STEAP4: variants seen among roughly 807,000 people sequenced by gnomAD.
STEAP4 encodes STEAP4 metalloreductase, also known as metalloreductase STEAP4.
A neutral mutation model predicts 43.6 loss-of-function variants in STEAP4; 36 were observed. The observed-to-expected ratio is 0.83, with a 90% CI of 0.63 to 1.09. The LOEUF is 1.09. Ranked by LOEUF, STEAP4 falls within the 50% of genes least tolerant of loss-of-function variation. The probability of loss-of-function intolerance (pLI) is 0.00; values close to 1 mark genes in which losing one functional copy is unlikely to be tolerated. For synonymous variants in STEAP4, 191 were observed against 196.7 expected, an observed-to-expected ratio of 0.97 and a Z score of 0.24; for missense variants, 495 against 546.5, an observed-to-expected ratio of 0.91 and a Z score of 0.94.
At chr7:88,295,986 T>A (rs1852917139) in intron 1 of STEAP4, among the ~76,000 whole-genome samples, 2 of 152,068 alleles carry the variant, frequency 1.3e-5, no homozygotes, top group Non-Finnish European at 2.9e-5. Context: ...AAAATGAGTA[T>A]GTTTTGAGTG....
chr7:88,299,347 G>A (rs1161425447), intron 1 of STEAP4, among the ~76,000 whole-genome samples: 1 of 152,188 alleles, frequency 6.6e-6, no homozygotes, highest in East Asian at 1.9e-4. Flanking sequence ...TAGTTTATCT[G>A]ATTAAAGCCC....
In STEAP4 at chr7:88,285,289, T is replaced by C. The variant is rs1586745913; in HGVS notation, c.-2-1018A>G. ...CAATATGTAACAAGATAGCAAGATA[T>C]GTGCAACATATGTATGAAAAATATT... On this transcript the variant is annotated intron_variant, in intron 1 of 4. Coordinates refer to ENST00000380079, the MANE Select transcript of STEAP4 (RefSeq NM_024636.4). 2.0e-5 allele frequency among the ~76,000 whole-genome samples: 3 copies of C among 152,254 alleles called. No individual in the cohort carries two copies. In the East Asian group the frequency reaches 5.8e-4, roughly 29 times the overall value.
chr7:88,294,567 T>C (rs555561924), intron 1 of STEAP4, among the ~76,000 whole-genome samples: 1 of 152,262 alleles, frequency 6.6e-6, no homozygotes, highest in South Asian at 2.1e-4. Flanking sequence ...TCTTTGTGTG[T>C]AAGCAGCCTG....
chr7:88,283,259 G>A (rs1852661693), intron 2 of STEAP4, 91 bp from the exon 3 acceptor site: 4 of 1,318,702 alleles, frequency 3.0e-6, no homozygotes, highest in Admixed American at 2.8e-5. Context: ...CATGCCAAAT[G>A]ATGACGTAAA....
chr7:88,284,274 G>A lies in STEAP4; in HGVS notation c.-2-3C>T. ...ATCTATACAAGTTTTCTCCATAACT[G>A]AAAAATAATAACACAAATGCCCAAC... On this transcript the variant is annotated splice_polypyrimidine_tract_variant and splice_region_variant and intron_variant, in intron 1 of 4. Transcript: ENST00000380079. 1.3e-6 allele frequency: 2 copies of A among 1,550,052 alleles called. No homozygotes were observed. Among genetic ancestry groups the A allele is most frequent in the Non-Finnish European group, 1.7e-6 (2 of 1,149,206 alleles).
At chr7:88,297,482 T>G (rs970913599) in intron 1 of STEAP4, among the ~76,000 whole-genome samples, 2 of 152,092 alleles carry the variant, frequency 1.3e-5, no homozygotes, top group African/African-American at 4.8e-5. Context: ...GTTGCCAGAT[T>G]TAGCAAATAA....
At chr7:88,291,584 C>A (rs10259410) in intron 1 of STEAP4, among the ~76,000 whole-genome samples, 23,373 of 151,924 alleles carry the variant, frequency 0.15, 1,988 homozygotes, top group Non-Finnish European at 0.2. Context: ...TAGGTACTAT[C>A]TAAAGAATGC....
intron 2 of STEAP4, 38 bp downstream of exon 2, chr7:88,283,776 A>G: frequency 6.4e-7 from 1 of 1,563,890 alleles, no homozygotes; most frequent in South Asian, 1.2e-5. Flanking sequence ...TTAATGATTC[A>G]TGTTTTAAAG....
At chr7:88,296,761 C>A (rs1354600776) in intron 1 of STEAP4, among the ~76,000 whole-genome samples, 1 of 152,014 alleles carries the variant, frequency 6.6e-6, no homozygotes, top group Non-Finnish European at 1.5e-5. Flanking sequence ...ATTCACTGAG[C>A]TATTTCTGTA....
At chr7:88,302,262 A>G (rs1853048386) in intron 1 of STEAP4, among the ~76,000 whole-genome samples, 1 of 152,232 alleles carries the variant, frequency 6.6e-6, no homozygotes, top group Non-Finnish European at 1.5e-5. Context: ...GAATAGCCAC[A>G]CTAAGAGGGA....
chr7:88,295,255 C>T (rs1405758116), intron 1 of STEAP4, among the ~76,000 whole-genome samples: 1 of 152,120 alleles, frequency 6.6e-6, no homozygotes, highest in Non-Finnish European at 1.5e-5. Context: ...CAGATGTTTT[C>T]CTAGCACCCT....
At chr7:88,298,339 C>T (rs1355306629) in intron 1 of STEAP4, 1 of 152,056 alleles carries the variant, frequency 6.6e-6, no homozygotes, top group East Asian at 1.9e-4. Flanking sequence ...TGGAAAGAAA[C>T]TTCAAGCTTG....
At chr7:88,299,514 A>G (rs142356845) in intron 1 of STEAP4, among the ~76,000 whole-genome samples, 10 of 152,332 alleles carry the variant, frequency 6.6e-5, no homozygotes, top group South Asian at 6.2e-4. Flanking sequence ...GATTGCCACT[A>G]TCAGAAAAAC....
In STEAP4 at chr7:88,284,286, C is replaced by A; in HGVS notation, c.-2-15G>T. 1 of 1,502,160 alleles carries A rather than the reference C, an allele frequency of 6.7e-7. No individual in the cohort carries two copies. Among genetic ancestry groups the A allele is most frequent in the Non-Finnish European group, 9.0e-7 (1 of 1,115,692 alleles). 93.1% of individuals were successfully genotyped at this position (1,502,160 alleles called of 1,614,324 possible). ...TTTCTCCATAACTGAAAAATAATAA[C>A]ACAAATGCCCAACAAAATATAAATG... On this transcript the variant is annotated splice_polypyrimidine_tract_variant and intron_variant, in intron 1 of 4. Coordinates refer to ENST00000380079, the MANE Select transcript of STEAP4 (RefSeq NM_024636.4).
In STEAP4 at chr7:88,279,764, C is replaced by T. The variant is rs930408897; in HGVS notation, c.1150-136G>A. Reference sequence around the variant, plus strand: ...AATGTTTAGGACACTTTGCCAAGTACTGAAAAAAAGCACTAACCCTTCTTC... The same window carrying T: ...AATGTTTAGGACACTTTGCCAAGTATTGAAAAAAAGCACTAACCCTTCTTC... On this transcript the variant is annotated intron_variant, in intron 4 of 4. Coordinates refer to ENST00000380079, the MANE Select transcript of STEAP4 (RefSeq NM_024636.4). 4.3e-6 allele frequency: 3 copies of T among 702,780 alleles called. No homozygotes were observed. The Admixed American group carries it at 8.8e-5, about 21-fold the overall frequency. 43.5% of individuals were successfully genotyped at this position (702,780 alleles called of 1,614,324 possible). A position where few individuals can be genotyped will look rare whatever the true frequency, so the allele number is the denominator to read the frequency against.
In STEAP4 at chr7:88,284,185, C is replaced by A. The variant is rs1377772652; in HGVS notation, c.85G>T (p.Asp29Tyr). The part of the protein sequence containing the change: ...QETVCIFGTG[D>Y]FGRSLGLKML... ...TTCAATCCCAGTGATCTTCCAAAATCACCAGTTCCAAAAATACATACAGTC... is the reference window on the plus strand; with the variant it reads ...TTCAATCCCAGTGATCTTCCAAAATAACCAGTTCCAAAAATACATACAGTC... The change falls in exon 2 of 5, where the codon GAT (aspartate) becomes TAT (tyrosine). Residue 29 changes from aspartate to tyrosine, a missense_variant. Physicochemically the swap from Asp to Tyr is radical, Grantham distance 160. Transcript: ENST00000380079. 1.2e-6 allele frequency: 2 copies of A among 1,614,022 alleles called. No individual in the cohort carries two copies. Among genetic ancestry groups the A allele is most frequent in the Non-Finnish European group, 8.5e-7 (1 of 1,180,006 alleles).
intron 1 of STEAP4, among the ~76,000 whole-genome samples, chr7:88,302,529 G>A (rs1355303978): frequency 1.3e-5 from 2 of 152,224 alleles, no homozygotes; most frequent in Admixed American, 6.5e-5. Context: ...TGTAAAAAGA[G>A]CAGGTATAGA....
Position 88,282,764 on chromosome 7 carries a change from C to T in STEAP4, c.861G>A (p.Met287Ile). The T allele has an allele frequency of 6.2e-7, 1 of 1,614,138 alleles. No homozygotes were observed. Among genetic ancestry groups the T allele is most frequent in the Non-Finnish European group, 8.5e-7 (1 of 1,180,024 alleles). ...RRFPDWLDHW[M>I]LCRKQLGLVA... ...CCAAGCCAAGCTGCTTTCGGCAAAG[C>T]ATCCAGTGGTCAAGCCAGTCTGGGA... The change falls in exon 3 of 5, where the codon ATG becomes ATA. Residue 287 changes from methionine to isoleucine, a missense_variant. Met to Ile is a conservative substitution (Grantham distance 10). Transcript: ENST00000380079.
At position 88,283,080 on chromosome 7, in the gene STEAP4, G is replaced by A; in HGVS notation, c.545C>T (p.Ser182Leu). The A allele has an allele frequency of 6.2e-7, 1 of 1,611,198 alleles. No individual in the cohort carries two copies. Among genetic ancestry groups the A allele is most frequent in the Non-Finnish European group, 8.5e-7 (1 of 1,178,948 alleles). ...NLGLTPMDQG[S>L]LMAAKEIEKY... Reference sequence around the variant, plus strand: ...TTCAATTTCTTTGGCTGCCATGAGTGATCCTTGATCCATTGGAGTAAGTCC... The same window carrying A: ...TTCAATTTCTTTGGCTGCCATGAGTAATCCTTGATCCATTGGAGTAAGTCC... Residue 182 changes from serine (S) to leucine (L), a missense_variant, in exon 3 of 5, where the codon TCA becomes TTA. Physicochemically the swap from Ser to Leu is moderately radical, Grantham distance 145. Coordinates refer to ENST00000380079, the MANE Select transcript of STEAP4 (RefSeq NM_024636.4).
Sources: allele counts gnomAD v4.1 joint callset (sites outside exome capture counted in the v4.1 genomes callset), GRCh38; gene constraint gnomAD v4.1.1; transcripts MANE v1.5; gene names NCBI Gene and HGNC (gene_info 2026-07-23, HGNC 2026-07-21).